The following ABCB4 variants were observed in gnomAD, a reference collection of about 807,000 sequenced individuals.
ABCB4 encodes ATP binding cassette subfamily B member 4.
ABCB4 carries 76 observed loss-of-function variants against 145.7 expected under a neutral mutation model. The observed-to-expected ratio is 0.52, with a 90% confidence interval of 0.43 to 0.63. The LOEUF is 0.63. Ranked by LOEUF, ABCB4 falls within the 30% of genes least tolerant of loss-of-function variation. The pLI is 0.00. For missense variants in ABCB4, 1,234 were observed against 1,553.1 expected, an observed-to-expected ratio of 0.79 and a Z score of 3.45; for synonymous variants, 517 against 566.8, an observed-to-expected ratio of 0.91 and a Z score of 1.25.
the ABCB4 span, among the ~76,000 whole-genome samples, chr7:87,366,758 C>G: frequency 6.6e-6 from 1 of 152,120 alleles, no homozygotes; most frequent in Non-Finnish European, 1.5e-5. Flanking sequence ...GTGGTAAAAC[C>G]TAAACATCGT....
intron 14 of ABCB4, among the ~76,000 whole-genome samples, chr7:87,433,467 C>T (rs993976226): frequency 6.6e-6 from 1 of 151,904 alleles, no homozygotes; most frequent in Admixed American, 6.6e-5. Flanking sequence ...GAATAAATTG[C>T]TAACAATGAC....
chr7:87,465,351 C>T lies in ABCB4; in HGVS notation c.136-2443G>A, dbSNP rs569231548. 1.4e-4 allele frequency among the ~76,000 whole-genome samples: 22 copies of T among 152,234 alleles called. No homozygotes were observed. In the East Asian group the frequency reaches 3.9e-3, roughly 27 times the overall value. On this transcript the variant is annotated intron_variant, in intron 3 of 27. Transcript: ENST00000649586. ...GGAAGGGTGCCCTCCATAGCTGAGA[C>T]TTGAGTAGGTAAACAAAGCGGCCAG...
intron 14 of ABCB4, among the ~76,000 whole-genome samples, chr7:87,434,099 T>TG (rs1810443007): frequency 6.8e-6 from 1 of 146,668 alleles, no homozygotes; most frequent in Non-Finnish European, 1.5e-5. Context: ...TGGCTAATTT[T>TG]TTTTTTTTTT....
the ABCB4 span, chr7:87,382,281 T>C: frequency 7.1e-7 from 1 of 1,410,258 alleles, no homozygotes; most frequent in Non-Finnish European, 9.8e-7. Context: ...ACAAAACATT[T>C]TAAAATTATG....
chr7:87,429,817 T>G (rs1448536154), intron 15 of ABCB4, among the ~76,000 whole-genome samples: 2 of 151,982 alleles, frequency 1.3e-5, no homozygotes, highest in Non-Finnish European at 2.9e-5. Context: ...TTATAAAACT[T>G]TTCGTCATTT....
chr7:87,419,916 G>A lies in ABCB4; in HGVS notation c.2394+82C>T, dbSNP rs1809296547. On this transcript the variant is annotated intron_variant, in intron 19 of 27. Transcript: ENST00000649586. ...ACCCTGGGGGGAAAACATGCATATC[G>A]ACATAACAATAAGAACAGTAAGAAG... is the stretch of plus-strand genomic sequence containing the variant. 5 of 1,433,156 alleles carry A rather than the reference G, an allele frequency of 3.5e-6. No homozygotes were observed. The highest frequency in any genetic ancestry group is 1.7e-5 in the Admixed American group (1 of 59,718). The allele number at this position is 1,433,156 out of a possible 1,614,324, so 88.8% of individuals were successfully genotyped here.
At chr7:87,471,388 G>GA (rs549790856) in intron 3 of ABCB4, among the ~76,000 whole-genome samples, 4 of 149,562 alleles carry the variant, frequency 2.7e-5, no homozygotes, top group South Asian at 2.1e-4. Flanking sequence ...AAAAAATAAA[G>GA]AAAAAAAAAC....
At chr7:87,397,461 T>C (rs750127611), downstream of ABCB4, among the ~76,000 whole-genome samples, 9 of 152,214 alleles carry the variant, frequency 5.9e-5, no homozygotes, top group Admixed American at 1.3e-4. Context: ...GTTTCTTTCA[T>C]GAATTGTCTG....
the ABCB4 span, among the ~76,000 whole-genome samples, chr7:87,389,769 T>C: frequency 3.2e-4 from 49 of 152,276 alleles, no homozygotes; most frequent in African/African-American, 1.1e-3. Context: ...CTTTAAAGTA[T>C]AATAAAAAAA....
At chr7:87,396,645 C>T in the ABCB4 span, among the ~76,000 whole-genome samples, 1 of 151,698 alleles carries the variant, frequency 6.6e-6, no homozygotes, top group Admixed American at 6.6e-5. Flanking sequence ...TCTCTTCTAC[C>T]CCAAGACTAG....
At chr7:87,375,575 C>T in the ABCB4 span, 1 of 1,326,204 alleles carries the variant, frequency 7.5e-7, no homozygotes, top group Non-Finnish European at 1.1e-6. Context: ...TTTTAAAGGC[C>T]AAAGTAGTTA....
At chr7:87,436,312 C>CT (rs1475573078) in intron 14 of ABCB4, among the ~76,000 whole-genome samples, 1 of 150,236 alleles carries the variant, frequency 6.7e-6, no homozygotes, top group Non-Finnish European at 1.5e-5. Flanking sequence ...CTAGTGGACA[C>CT]TTTCAGCTAC....
downstream of ABCB4, chr7:87,398,741 T>C (rs193136280): frequency 8.7e-7 from 1 of 1,152,826 alleles, no homozygotes; most frequent in East Asian, 2.4e-5. Context: ...GTTGACTTGC[T>C]AACATTCCTT....
chr7:87,381,379 A>G, the ABCB4 span, among the ~76,000 whole-genome samples: 2 of 152,180 alleles, frequency 1.3e-5, no homozygotes, highest in Non-Finnish European at 2.9e-5. Flanking sequence ...TCTTTCCCAC[A>G]TTTCTTAAAC....
chr7:87,431,434 T>C lies in ABCB4; in HGVS notation c.1863A>G (p.Glu621=), dbSNP rs1810215383. ...QGSHSELMKK[E]GVYFKLVNMQ... ...TGTTGACAAGTTTGAAGTACACCCCTTCCTTCTTCATCAGTTCGCTGTGGC... is the reference window on the plus strand; with the variant it reads ...TGTTGACAAGTTTGAAGTACACCCCCTCCTTCTTCATCAGTTCGCTGTGGC... The change falls in exon 15 of 28, where the codon GAA becomes GAG. Residue 621 remains glutamate (E), a synonymous_variant. Transcript: ENST00000649586. The C allele has an allele frequency of 2.5e-6, 4 of 1,614,104 alleles. No homozygotes were observed. In the East Asian group the frequency reaches 6.7e-5, roughly 27 times the overall value.
Position 87,403,297 on chromosome 7 carries a change from A to G in ABCB4, c.3487-16T>C, listed in dbSNP as rs31653. 0.89 allele frequency: 1,432,462 copies of G among 1,610,832 alleles called. 638,677 individuals carry two copies. The highest frequency in any genetic ancestry group is 0.98 in the African/African-American group (73,272 of 74,978). ...TTTCATATTTCTGCAAGTTAACCAA[A>G]TTATAAATATGTTGAATGAACTGTT... On this transcript the variant is annotated splice_polypyrimidine_tract_variant and intron_variant, in intron 26 of 27. Coordinates refer to ENST00000649586, the MANE Select transcript of ABCB4 (RefSeq NM_000443.4).
chr7:87,371,349 T>G, the ABCB4 span, among the ~76,000 whole-genome samples: 1 of 152,214 alleles, frequency 6.6e-6, no homozygotes, highest in Non-Finnish European at 1.5e-5. Context: ...TCTTTCCATA[T>G]TGGTACAAAT....
In ABCB4 at chr7:87,454,985, T is replaced by C. The variant is rs191465220; in HGVS notation, c.287-393A>G. On this transcript the variant is annotated intron_variant, in intron 4 of 27. Coordinates refer to ENST00000649586, the MANE Select transcript of ABCB4 (RefSeq NM_000443.4). ...AATATTTAAAATAGAAAACACAGGATTTAAGAGGCATTTTTTTTTTTTGGT... is the reference window on the plus strand; with the variant it reads ...AATATTTAAAATAGAAAACACAGGACTTAAGAGGCATTTTTTTTTTTTGGT... Among the ~76,000 whole-genome samples, 1,070 of 150,016 alleles carry C rather than the reference T, an allele frequency of 7.1e-3. 17 individuals carry two copies. The highest frequency in any genetic ancestry group is 0.026 in the African/African-American group (1,019 of 39,732).
At chr7:87,447,608 G>C (rs1811435195) in intron 8 of ABCB4, among the ~76,000 whole-genome samples, 1 of 152,212 alleles carries the variant, frequency 6.6e-6, no homozygotes, top group African/African-American at 2.4e-5. Flanking sequence ...TAAACAGTTA[G>C]ATTCTTAACT....
Sources: allele counts gnomAD v4.1 joint callset (sites outside exome capture counted in the v4.1 genomes callset), GRCh38; gene constraint gnomAD v4.1.1; transcripts MANE v1.5; gene names NCBI Gene and HGNC (gene_info 2026-07-23, HGNC 2026-07-21).